The following MYLK3 variants were observed in gnomAD, a reference collection of about 807,000 sequenced individuals.
MYLK3 encodes myosin light chain kinase 3.
In MYLK3, 55 loss-of-function variants were observed where a neutral mutation model predicts 76.3. The observed-to-expected ratio is 0.72, with a 90% CI of 0.58 to 0.90. The LOEUF (loss-of-function observed/expected upper bound fraction) is 0.90. MYLK3 is among the 40% of genes least tolerant of loss of function. The pLI, the probability that MYLK3 is intolerant of heterozygous loss-of-function variation, is 0.00. For missense variants in MYLK3, 973 were observed against 1,053.6 expected (o/e 0.92, Z 1.06); for synonymous variants, 416 against 425.4 (o/e 0.98, Z 0.27).
chr16:46,708,456 AT>A (rs906746229), intron 12 of MYLK3, among the ~76,000 whole-genome samples: 10 of 150,504 alleles, frequency 6.6e-5, no homozygotes, highest in Admixed American at 4.6e-4. Flanking sequence ...AAATGTTGTG[AT>A]TTTTTTTTTA....
Position 46,729,137 on chromosome 16 carries a change from G to T in MYLK3, c.1663-4C>A. ...TGATCTCGTTCTTCACGTCCTCCTTGGGGGAACCAGAGGACAGAAGGATTT... is the reference window on the plus strand; with the variant it reads ...TGATCTCGTTCTTCACGTCCTCCTTTGGGGAACCAGAGGACAGAAGGATTT... On this transcript the variant is annotated splice_region_variant and splice_polypyrimidine_tract_variant and intron_variant, in intron 6 of 12. Coordinates refer to ENST00000394809, the MANE Select transcript of MYLK3 (RefSeq NM_182493.3). 2 of 1,611,274 alleles carry T rather than the reference G, an allele frequency of 1.2e-6. No individual in the cohort carries two copies. The highest frequency in any genetic ancestry group is 2.7e-5 in the African/African-American group (2 of 74,972).
rs1221102516 is a variant in MYLK3, at chr16:46,702,871, A to G, written c.*4833T>C. Among the ~76,000 whole-genome samples the G allele has an allele frequency of 6.6e-6, 1 of 151,854 alleles. No individual in the cohort carries two copies. The highest frequency in any genetic ancestry group is 1.5e-5 in the Non-Finnish European group (1 of 67,984). On this transcript the variant is annotated 3_prime_UTR_variant, in exon 13 of 13. Coordinates refer to ENST00000394809, the MANE Select transcript of MYLK3 (RefSeq NM_182493.3). Reference sequence around the variant, plus strand: ...GGGAGGTGGATGTTGCAGTAAGCCAAGATTGCGCCACTGCACTCCAGCCTG... The same window carrying G: ...GGGAGGTGGATGTTGCAGTAAGCCAGGATTGCGCCACTGCACTCCAGCCTG...
upstream of MYLK3, among the ~76,000 whole-genome samples, chr16:46,751,115 C>T (rs1967118618): frequency 6.6e-6 from 1 of 151,206 alleles, no homozygotes; most frequent in African/African-American, 2.4e-5. Context: ...CTATAACAAA[C>T]ATGAATTATC....
chr16:46,753,209 C>A (rs984110095), upstream of MYLK3, among the ~76,000 whole-genome samples: 2 of 152,178 alleles, frequency 1.3e-5, no homozygotes, highest in African/African-American at 4.8e-5. Flanking sequence ...GGCTTCGGAC[C>A]CCGATACCCC....
At position 46,746,428 on chromosome 16, in the gene MYLK3, A is replaced by AT. The variant is rs1366644080; in HGVS notation, c.477+1288dup. On this transcript the variant is annotated intron_variant, in intron 1 of 12. Transcript: ENST00000394809. ...GACTATAATTAAATTAAATTTCTTTATTTTTTTTAAGAGACAGGGCCTCAC... is the reference window on the plus strand; with the variant it reads ...GACTATAATTAAATTAAATTTCTTTATTTTTTTTTAAGAGACAGGGCCTCAC... 8.6e-5 allele frequency among the ~76,000 whole-genome samples: 13 copies of AT among 151,898 alleles called. No individual in the cohort carries two copies. In the South Asian group the frequency reaches 1.5e-3, roughly 17 times the overall value.
Position 46,715,717 on chromosome 16 carries a change from C to T in MYLK3, c.1986-2941G>A, listed in dbSNP as rs571156513. Among the ~76,000 whole-genome samples, 25 of 152,286 alleles carry T rather than the reference C, an allele frequency of 1.6e-4. No homozygotes were observed. The South Asian group carries it at 1.9e-3, about 11-fold the overall frequency. ...TCTCACTGCCTGGCCTGGGATAAACCTGGTCCCTCTTGCTGGAGATCCTGA... is the reference window on the plus strand; with the variant it reads ...TCTCACTGCCTGGCCTGGGATAAACTTGGTCCCTCTTGCTGGAGATCCTGA... On this transcript the variant is annotated intron_variant, in intron 9 of 12. Coordinates refer to ENST00000394809, the MANE Select transcript of MYLK3 (RefSeq NM_182493.3).
At chr16:46,730,328 C>T (rs918373726) in intron 5 of MYLK3, among the ~76,000 whole-genome samples, 2 of 152,176 alleles carry the variant, frequency 1.3e-5, no homozygotes, top group African/African-American at 2.4e-5. Flanking sequence ...GCTGTGCCTC[C>T]TCCCATACCC....
chr16:46,721,582 T>C (rs778359391), intron 8 of MYLK3, among the ~76,000 whole-genome samples: 2 of 152,202 alleles, frequency 1.3e-5, no homozygotes, highest in Non-Finnish European at 2.9e-5. Context: ...TGCCCAGGCC[T>C]GTCTCGAATT....
chr16:46,717,295 A>T (rs1966751135), intron 9 of MYLK3, among the ~76,000 whole-genome samples: 1 of 152,112 alleles, frequency 6.6e-6, no homozygotes, highest in Non-Finnish European at 1.5e-5. Context: ...TTGATCACAG[A>T]AGTCTTCAGT....
At chr16:46,739,866 G>C (rs900205733) in intron 2 of MYLK3, among the ~76,000 whole-genome samples, 191 bp downstream of exon 2, 5 of 152,120 alleles carry the variant, frequency 3.3e-5, no homozygotes, top group African/African-American at 9.7e-5. Context: ...TGTATTCCAG[G>C]TGGTTTTGAA....
intron 8 of MYLK3, 44 bp downstream of exon 8, chr16:46,727,192 T>G (rs184489071): frequency 5.0e-6 from 8 of 1,598,772 alleles, no homozygotes; most frequent in Middle Eastern, 1.7e-4. Context: ...CGCCAGGAGC[T>G]AGGACACCAG....
chr16:46,763,080 T>C, exon 1 of MYLK3: 2 of 985,416 alleles, frequency 2.0e-6, no homozygotes, highest in South Asian at 9.4e-5. Flanking sequence ...GTCCAAAATC[T>C]TGTTTTCATA....
intron 1 of MYLK3, among the ~76,000 whole-genome samples, chr16:46,758,610 C>G (rs546011623): frequency 1.1e-4 from 17 of 152,178 alleles, no homozygotes; most frequent in Admixed American, 2.0e-4. Context: ...TCACTCACAC[C>G]CTCTGCCACT....
At chr16:46,761,421 G>T (rs1185075785) in intron 1 of MYLK3, among the ~76,000 whole-genome samples, 2 of 152,192 alleles carry the variant, frequency 1.3e-5, no homozygotes, top group South Asian at 4.1e-4. Context: ...TACCTGGGGT[G>T]GGGGGATTGG....
chr16:46,747,821 T>C lies in MYLK3; in HGVS notation c.373A>G (p.Ile125Val). Reference protein sequence around the residue: ...FRMVAAVDRAIALVGATFQKS... With the variant: ...FRMVAAVDRAVALVGATFQKS... ...TGGAACGTGGCCCCCACCAAAGCGATGGCCCTGTCCACCGCAGCCACCATC... is the reference window on the plus strand; with the variant it reads ...TGGAACGTGGCCCCCACCAAAGCGACGGCCCTGTCCACCGCAGCCACCATC... The change falls in exon 1 of 13, where the codon ATC becomes GTC. Residue 125 changes from isoleucine (I) to valine (V), a missense_variant. Around this residue, in one of 2 missense-constraint regions of MYLK3, gnomAD observed 641 missense variants for 637.0 expected, o/e 1.01. Transcript: ENST00000394809. 6.2e-7 allele frequency: 1 copy of C among 1,614,220 alleles called. No individual in the cohort carries two copies. The highest frequency in any genetic ancestry group is 2.2e-5 in the East Asian group (1 of 44,876).
intron 9 of MYLK3, among the ~76,000 whole-genome samples, chr16:46,717,479 G>A (rs1195074958): frequency 6.6e-6 from 1 of 152,070 alleles, no homozygotes; most frequent in African/African-American, 2.4e-5. Context: ...TCAGACGTGT[G>A]AGCCTCGCAT....
chr16:46,703,148 A>C lies in MYLK3; in HGVS notation c.*4556T>G, dbSNP rs993676629. 3.3e-5 allele frequency among the ~76,000 whole-genome samples: 5 copies of C among 152,150 alleles called. No individual in the cohort carries two copies. Among genetic ancestry groups the C allele is most frequent in the African/African-American group, 1.2e-4 (5 of 41,420 alleles). ...CCATATATACATTCTATAATTTAAGAAAAAATGGCTTTCAGTATATCTAGA... is the reference window on the plus strand; with the variant it reads ...CCATATATACATTCTATAATTTAAGCAAAAATGGCTTTCAGTATATCTAGA... On this transcript the variant is annotated 3_prime_UTR_variant, in exon 13 of 13. Coordinates refer to ENST00000394809, the MANE Select transcript of MYLK3 (RefSeq NM_182493.3).
rs748998633 is a variant in MYLK3, at chr16:46,747,760, C to A, written c.434G>T (p.Arg145Leu). The change falls in exon 1 of 13, where the codon CGT becomes CTT. Residue 145 changes from arginine to leucine, a missense_variant. Transcript: ENST00000394809. ...TGGGCTGCCTCTCCTCCAGGGCACA[C>A]GCCCCTGCATGAGGAAATCCGCCAC... ...SKVADFLMQGRVPWRRGSPGD... is the reference protein window; with the variant it reads ...SKVADFLMQGLVPWRRGSPGD... The A allele has an allele frequency of 6.8e-6, 11 of 1,614,160 alleles. 1 individual carries two copies. The South Asian group carries it at 1.2e-4, about 18-fold the overall frequency.
At chr16:46,749,721 C>T (rs749294032), upstream of MYLK3, among the ~76,000 whole-genome samples, 27 of 152,164 alleles carry the variant, frequency 1.8e-4, no homozygotes, top group Admixed American at 3.3e-4. Flanking sequence ...GCCAACAGAA[C>T]GAGACCCTGT....
Sources: allele counts gnomAD v4.1 joint callset (sites outside exome capture counted in the v4.1 genomes callset), GRCh38; gene constraint gnomAD v4.1.1; regional missense constraint gnomAD v4.1.1; transcripts MANE v1.5; gene names NCBI Gene and HGNC (gene_info 2026-07-23, HGNC 2026-07-21).